Variants in DIAPH2 observed in about 807,000 individuals in gnomAD.
DIAPH2 encodes protein diaphanous homolog 2.
In DIAPH2, 35 loss-of-function variants were observed where a neutral mutation model predicts 92.7. The ratio of observed to expected loss-of-function variants is 0.38; its 90% CI spans 0.29 to 0.50. The LOEUF is 0.50. DIAPH2 is among the 20% of genes least tolerant of loss of function. The probability of loss-of-function intolerance (pLI) is 0.94; values close to 1 mark genes in which losing one functional copy is unlikely to be tolerated. For missense variants in DIAPH2, 701 were observed against 819.5 expected (o/e 0.86, Z 1.77); for synonymous variants, 301 against 280.4 (o/e 1.07, Z -0.73).
chrX:97,535,636 G>C (rs1001025629), intron 26 of DIAPH2, among the ~76,000 whole-genome samples: 2 of 110,733 alleles, frequency 1.8e-5, no homozygotes, highest in Non-Finnish European at 3.8e-5. Context: ...ATTTTTAGTA[G>C]AGACGGGGTT....
At position 97,599,289 on chromosome X, in the gene DIAPH2, G is replaced by A. The variant is rs372696817; in HGVS notation, c.3278G>A (p.Arg1093His). Reference protein sequence around the residue: ...RRVPLERSRSRHNGAISSK With the variant: ...RRVPLERSRSHHNGAISSK ...GTACCTTTGGAAAGGTCACGCTCTC[G>A]CCACAATGGAGCTATCTCATCTAAG... The change falls in exon 27 of 27, where the codon CGC (arginine) becomes CAC (histidine). Residue 1093 changes from arginine (R) to histidine (H), a missense_variant. Around this residue, in one of 3 missense-constraint regions of DIAPH2, gnomAD observed 536 missense variants for 599.3 expected, o/e 0.89. Coordinates refer to ENST00000324765, the MANE Select transcript of DIAPH2 (RefSeq NM_006729.5). 1.8e-5 allele frequency: 22 copies of A among 1,191,207 alleles called. No individual in the cohort carries two copies. Among genetic ancestry groups the A allele is most frequent in the Admixed American group, 1.1e-4 (5 of 45,099 alleles).
chrX:97,382,612 T>G (rs1019534883), intron 24 of DIAPH2, among the ~76,000 whole-genome samples: 6 of 111,879 alleles, frequency 5.4e-5, no homozygotes, highest in Admixed American at 9.5e-5. Context: ...TAAGTGGTAG[T>G]CTTTGAGTTC....
chrX:97,216,301 G>A (rs1372385683), intron 22 of DIAPH2, among the ~76,000 whole-genome samples: 2 of 110,990 alleles, frequency 1.8e-5, no homozygotes, highest in African/African-American at 6.5e-5. Flanking sequence ...CATTTTCTTC[G>A]TTTTTATTCT....
At chrX:97,262,552 T>C (rs190722671) in intron 23 of DIAPH2, among the ~76,000 whole-genome samples, 162 of 111,691 alleles carry the variant, frequency 1.5e-3, no homozygotes, top group Non-Finnish European at 1.3e-3. Context: ...CATTAGAGAA[T>C]TGAAAAGAGA....
At chrX:97,139,586 A>G (rs1213853742) in intron 21 of DIAPH2, among the ~76,000 whole-genome samples, 4 of 110,409 alleles carry the variant, frequency 3.6e-5, no homozygotes, top group African/African-American at 1.3e-4. Flanking sequence ...TATGATTCTA[A>G]AAGAAATACA....
At chrX:97,247,568 A>C (rs1055440258) in intron 22 of DIAPH2, 147 bp from the exon 23 acceptor site, 2 of 438,792 alleles carry the variant, frequency 4.6e-6, no homozygotes, top group Admixed American at 9.2e-5. Flanking sequence ...GAATTTTTAT[A>C]AGCAGTAATT....
intron 4 of DIAPH2, among the ~76,000 whole-genome samples, chrX:96,876,111 A>G (rs774303139): frequency 3.6e-5 from 4 of 112,307 alleles, no homozygotes; most frequent in East Asian, 2.8e-4. Context: ...ATATGAACAG[A>G]CACTTCTCAA....
At chrX:97,022,274 A>G (rs1019076646) in intron 17 of DIAPH2, among the ~76,000 whole-genome samples, 1 of 112,467 alleles carries the variant, frequency 8.9e-6, no homozygotes, top group African/African-American at 3.2e-5. Context: ...GTTAGCCTAT[A>G]AAATGCTATG....
chrX:97,538,852 C>T (rs2071117188), intron 26 of DIAPH2, among the ~76,000 whole-genome samples: 1 of 112,044 alleles, frequency 8.9e-6, no homozygotes, highest in Non-Finnish European at 1.9e-5. Flanking sequence ...GTAGATCCAT[C>T]TCTAAAACAC....
intron 24 of DIAPH2, among the ~76,000 whole-genome samples, chrX:97,364,759 G>GTTTTTTTTTGTTTTTTTTTTTT (rs1279508605): frequency 8.8e-5 from 5 of 56,588 alleles, no homozygotes; most frequent in African/African-American, 1.7e-4. Context: ...GTCTCCTGGT[G>GTTTTTTTTTGTTTTTTTTTTTT]TTTTTTTTTT....
At chrX:97,112,765 C>T (rs368822836) in intron 20 of DIAPH2, among the ~76,000 whole-genome samples, 536 of 37,154 alleles carry the variant, frequency 0.014, 4 homozygotes, top group Middle Eastern at 0.071. Context: ...CCCTTTCTTT[C>T]TTTTTTTTTT....
chrX:97,038,412 T>C (rs763859251), intron 17 of DIAPH2, among the ~76,000 whole-genome samples: 1 of 111,951 alleles, frequency 8.9e-6, no homozygotes, highest in East Asian at 2.8e-4. Flanking sequence ...ATAGATCTTT[T>C]AGTTCTTTAT....
chrX:97,473,480 G>A (rs1029021268), intron 26 of DIAPH2, among the ~76,000 whole-genome samples: 1 of 110,865 alleles, frequency 9.0e-6, no homozygotes, highest in Non-Finnish European at 1.9e-5. Flanking sequence ...GATTACAGAC[G>A]CCCGCCACCA....
intron 26 of DIAPH2, among the ~76,000 whole-genome samples, chrX:97,452,768 G>T (rs1417576493): frequency 1.8e-5 from 2 of 112,218 alleles, no homozygotes; most frequent in African/African-American, 3.2e-5. Flanking sequence ...AGTCACCCAC[G>T]TGAAAAGTCA....
At chrX:97,425,780 CA>C (rs770197385) in intron 25 of DIAPH2, among the ~76,000 whole-genome samples, 2,404 of 57,833 alleles carry the variant, frequency 0.042, 71 homozygotes, top group African/African-American at 0.13. Context: ...GACTCGGTCT[CA>C]AAAAAAAAAA....
chrX:97,510,577 C>T (rs1194954431), intron 26 of DIAPH2, among the ~76,000 whole-genome samples: 1 of 102,564 alleles, frequency 9.8e-6, no homozygotes, highest in African/African-American at 3.5e-5. Flanking sequence ...GACATGAAGT[C>T]CTTGCCCATG....
At chrX:97,281,756 A>C (rs2068498896) in intron 23 of DIAPH2, among the ~76,000 whole-genome samples, 1 of 110,747 alleles carries the variant, frequency 9.0e-6, no homozygotes, top group African/African-American at 3.3e-5. Context: ...AAAAAAAAAA[A>C]ACACATACGC....
chrX:97,028,993 A>G (rs192146210), intron 17 of DIAPH2, among the ~76,000 whole-genome samples: 1 of 111,629 alleles, frequency 9.0e-6, no homozygotes. Context: ...TCTGCTTTTA[A>G]TGTTAGCCAT....
intron 23 of DIAPH2, among the ~76,000 whole-genome samples, chrX:97,339,672 C>T (rs1198755884): frequency 8.9e-6 from 1 of 112,130 alleles, no homozygotes; most frequent in Non-Finnish European, 1.9e-5. Context: ...AAATGCTGCA[C>T]ACATTTTAGT....
Sources: gnomAD v4.1 joint callset for allele counts (sites outside exome capture counted in the v4.1 genomes callset) on GRCh38, gnomAD v4.1.1 for gene constraint, gnomAD v4.1.1 regional missense constraint, MANE v1.5 for transcripts, NCBI Gene and HGNC (gene_info 2026-07-23, HGNC 2026-07-21) for gene names.